Variants in TBC1D5 observed in about 807,000 individuals in gnomAD.
The protein encoded by TBC1D5 is TBC1 domain family member 5, also known as TBC1 domain family, member 5.
In TBC1D5, 75 loss-of-function variants were observed where a neutral mutation model predicts 100.3. The observed-to-expected ratio is 0.75, with a 90% CI of 0.62 to 0.91. The LOEUF is 0.91. Ranked by LOEUF, TBC1D5 falls within the 40% of genes least tolerant of loss-of-function variation. TBC1D5 has a pLI of 0.00. For missense variants in TBC1D5, 910 were observed against 942.4 expected (o/e 0.97, Z 0.45); for synonymous variants, 323 against 325.6 (o/e 0.99, Z 0.09).
At chr3:17,326,868 T>TCAA (rs2086218482) in intron 13 of TBC1D5, among the ~76,000 whole-genome samples, 1 of 152,218 alleles carries the variant, frequency 6.6e-6, no homozygotes, top group African/African-American at 2.4e-5. Flanking sequence ...GAGACAGCAA[T>TCAA]CAACCCTCTA....
intron 18 of TBC1D5, among the ~76,000 whole-genome samples, chr3:17,192,473 G>A (rs74632937): frequency 2.3e-3 from 352 of 152,176 alleles, no homozygotes; most frequent in African/African-American, 7.6e-3. Context: ...AAATGAGAAC[G>A]TTAGTGGATG....
At chr3:17,488,729 A>G (rs1341679505) in intron 3 of TBC1D5, among the ~76,000 whole-genome samples, 2 of 152,090 alleles carry the variant, frequency 1.3e-5, no homozygotes, top group Admixed American at 1.3e-4. Flanking sequence ...CTGATAACAT[A>G]TGATGTTGAG....
At chr3:17,645,732 TCTA>T in intron 1 of TBC1D5, among the ~76,000 whole-genome samples, 1 of 152,192 alleles carries the variant, frequency 6.6e-6, no homozygotes, top group South Asian at 2.1e-4. Flanking sequence ...ATGAACCAAT[TCTA>T]CTACCAACTA....
At chr3:17,297,047 C>T (rs886822345) in intron 14 of TBC1D5, among the ~76,000 whole-genome samples, 5 of 152,150 alleles carry the variant, frequency 3.3e-5, no homozygotes, top group African/African-American at 1.2e-4. Flanking sequence ...AATAGTGCTG[C>T]CAACTGGAAG....
At position 17,690,680 on chromosome 3, in the gene TBC1D5, A is replaced by C. The variant is rs1303197294; in HGVS notation, c.-101+48663T>G. Reference sequence around the variant, plus strand: ...GCATTAGATTCTCATAAGACTGCTAACCCTTTTGTGAACTGTACATGTGAG... The same window carrying C: ...GCATTAGATTCTCATAAGACTGCTACCCCTTTTGTGAACTGTACATGTGAG... On this transcript the variant is annotated intron_variant, in intron 1 of 21. Transcript: ENST00000253692. Among the ~76,000 whole-genome samples, 33 of 152,090 alleles carry C rather than the reference A, an allele frequency of 2.2e-4. 1 individual carries two copies. The highest frequency in any genetic ancestry group is 2.1e-3 in the Admixed American group (32 of 15,268).
At chr3:17,354,674 T>G (rs1360068991) in intron 13 of TBC1D5, among the ~76,000 whole-genome samples, 1 of 151,398 alleles carries the variant, frequency 6.6e-6, no homozygotes, top group Non-Finnish European at 1.5e-5. Context: ...TGATGTGCAA[T>G]CACTGTAATT....
At chr3:17,343,970 A>G (rs1372509605) in intron 13 of TBC1D5, among the ~76,000 whole-genome samples, 170 of 151,750 alleles carry the variant, frequency 1.1e-3, no homozygotes, top group Non-Finnish European at 1.8e-3. Context: ...TATTTCCTTC[A>G]GTTCTGCTCT....
intron 13 of TBC1D5, among the ~76,000 whole-genome samples, chr3:17,331,810 A>G (rs1472210198): frequency 6.6e-6 from 1 of 152,234 alleles, no homozygotes; most frequent in Non-Finnish European, 1.5e-5. Context: ...GATGTTAAAG[A>G]AGGAGACAGC....
chr3:17,676,963 A>C (rs2068730152), intron 1 of TBC1D5, among the ~76,000 whole-genome samples: 1 of 152,200 alleles, frequency 6.6e-6, no homozygotes. Flanking sequence ...AGAAAGCTGA[A>C]ACTGGATCCC....
chr3:17,407,029 G>A (rs1476202851), intron 4 of TBC1D5, among the ~76,000 whole-genome samples: 2 of 152,018 alleles, frequency 1.3e-5, no homozygotes, highest in Non-Finnish European at 2.9e-5. Context: ...TACTGAAATT[G>A]CAACTTCTTT....
At chr3:17,229,653 C>T (rs1216204868) in intron 17 of TBC1D5, among the ~76,000 whole-genome samples, 1 of 152,018 alleles carries the variant, frequency 6.6e-6, no homozygotes, top group Non-Finnish European at 1.5e-5. Flanking sequence ...CAGCAACAAC[C>T]CTTGAAGTAG....
rs554108671 is a variant in TBC1D5, at chr3:17,452,679, G to A, written c.98-24160C>T. Among the ~76,000 whole-genome samples the A allele has an allele frequency of 3.5e-4, 53 of 151,966 alleles. 1 individual carries two copies. The highest frequency in any genetic ancestry group is 2.1e-3 in the Admixed American group (32 of 15,254). ...AACATATAAAGCAAATATTATTAAA[G>A]CTAAAGAGACACATAGACACTAACA... On this transcript the variant is annotated intron_variant, in intron 3 of 21. Transcript: ENST00000253692.
intron 13 of TBC1D5, among the ~76,000 whole-genome samples, chr3:17,315,447 C>G (rs2084577865): frequency 6.6e-6 from 1 of 152,200 alleles, no homozygotes; most frequent in Admixed American, 6.5e-5. Flanking sequence ...GCTGAATGGT[C>G]ATCTATTTTG....
chr3:17,643,461 T>C (rs2064722131), intron 1 of TBC1D5, among the ~76,000 whole-genome samples: 2 of 152,114 alleles, frequency 1.3e-5, no homozygotes, highest in Admixed American at 6.6e-5. Flanking sequence ...TCTCCTTAAA[T>C]GTTCACCCTT....
chr3:17,578,312 T>C (rs1298721389), intron 2 of TBC1D5, among the ~76,000 whole-genome samples: 1 of 151,990 alleles, frequency 6.6e-6, no homozygotes, highest in East Asian at 1.9e-4. Flanking sequence ...GAAGAAACAA[T>C]GATTAATCAC....
intron 19 of TBC1D5, among the ~76,000 whole-genome samples, chr3:17,177,308 T>C (rs2067879264): frequency 6.6e-6 from 1 of 152,152 alleles, no homozygotes; most frequent in African/African-American, 2.4e-5. Flanking sequence ...TTTTTCTAAA[T>C]AGGTATAGGG....
chr3:17,597,740 A>G (rs58201394), intron 2 of TBC1D5, among the ~76,000 whole-genome samples: 91 of 152,328 alleles, frequency 6.0e-4, no homozygotes, highest in African/African-American at 2.1e-3. Context: ...TTTGTCCCAA[A>G]TACTCACAGT....
At chr3:17,501,502 C>T (rs1046022279) in intron 3 of TBC1D5, among the ~76,000 whole-genome samples, 2 of 149,042 alleles carry the variant, frequency 1.3e-5, no homozygotes, top group African/African-American at 5.1e-5. Flanking sequence ...ATCCCTGTTA[C>T]TCTTAGACAT....
At chr3:17,239,102 T>C (rs1194386410) in intron 16 of TBC1D5, among the ~76,000 whole-genome samples, 1 of 152,232 alleles carries the variant, frequency 6.6e-6, no homozygotes, top group African/African-American at 2.4e-5. Context: ...TGTTCACTTC[T>C]TCCAATCCCC....
Sources: allele counts gnomAD v4.1 joint callset (sites outside exome capture counted in the v4.1 genomes callset), GRCh38; gene constraint gnomAD v4.1.1; transcripts MANE v1.5; gene names NCBI Gene and HGNC (gene_info 2026-07-23, HGNC 2026-07-21).